GPRIN3: variants seen among roughly 807,000 people sequenced by gnomAD.
The protein encoded by GPRIN3 is GPRIN family member 3, also known as G protein-regulated inducer of neurite outgrowth 3.
A neutral mutation model predicts 13.7 loss-of-function variants in GPRIN3; 12 were observed. The ratio of observed to expected loss-of-function variants is 0.87; its 90% CI spans 0.56 to 1.42. The LOEUF (loss-of-function observed/expected upper bound fraction) is 1.42. Among genes scored for constraint, GPRIN3 ranks in the 40% most tolerant of loss-of-function variants. GPRIN3 has a pLI of 0.00. For missense variants in GPRIN3, 1,009 were observed against 958.7 expected (o/e 1.05, Z -0.69); for synonymous variants, 377 against 372.7 (o/e 1.01, Z -0.13).
chr4:89,241,463 G>A lies in GPRIN3; in HGVS notation c.*6317C>T, dbSNP rs1414373655. The A allele has an allele frequency of 2.0e-5, 3 of 152,106 alleles. No homozygotes were observed. Among genetic ancestry groups the A allele is most frequent in the Admixed American group, 6.5e-5 (1 of 15,282 alleles). The allele number at this position is 152,106 out of a possible 1,614,324, so 9.4% of individuals were successfully genotyped here. On this transcript the variant is annotated 3_prime_UTR_variant, in exon 2 of 2. Coordinates refer to ENST00000609438, the MANE Select transcript of GPRIN3 (RefSeq NM_198281.3). ...CACGACCAGCTACAGTATTATGCAC[G>A]ACATATTGTTCACACATTAGTACAG...
At chr4:89,268,992 G>C (rs796071692) in intron 1 of GPRIN3, among the ~76,000 whole-genome samples, 5 of 152,252 alleles carry the variant, frequency 3.3e-5, no homozygotes, top group African/African-American at 1.2e-4. Flanking sequence ...ACAGCTGGAA[G>C]AAGAAAAAGG....
In GPRIN3 at chr4:89,255,695, G is replaced by A. The variant is rs114346144; in HGVS notation, c.-123-5462C>T. ...GCATGGTTGACCAAAGCGATCAGATGTCAGGGATGGTGAATTCTCTCTAAG... is the reference window on the plus strand; with the variant it reads ...GCATGGTTGACCAAAGCGATCAGATATCAGGGATGGTGAATTCTCTCTAAG... On this transcript the variant is annotated intron_variant, in intron 1 of 1. Transcript: ENST00000609438. 6.8e-3 allele frequency among the ~76,000 whole-genome samples: 1,038 copies of A among 152,314 alleles called. 9 individuals carry two copies. Among genetic ancestry groups the A allele is most frequent in the African/African-American group, 0.024 (984 of 41,568 alleles).
At chr4:89,259,971 A>C (rs1372958055) in intron 1 of GPRIN3, among the ~76,000 whole-genome samples, 1 of 151,944 alleles carries the variant, frequency 6.6e-6, no homozygotes, top group African/African-American at 2.4e-5. Flanking sequence ...CACCTGGCTA[A>C]TTTTTTTGTA....
rs1410235198 is a variant in GPRIN3 at position 89,244,938 on chromosome 4, T to G, written c.*2842A>C. 3.3e-5 allele frequency: 5 copies of G among 152,210 alleles called. No homozygotes were observed. The highest frequency in any genetic ancestry group is 7.3e-5 in the Non-Finnish European group (5 of 68,028). 9.4% of individuals were successfully genotyped at this position (152,210 alleles called of 1,614,324 possible). A position where few individuals can be genotyped will look rare whatever the true frequency, so the allele number is the denominator to read the frequency against. On this transcript the variant is annotated 3_prime_UTR_variant, in exon 2 of 2. Transcript: ENST00000609438. ...AAACCAAACAACTTTCAACCCAATGTGTGTCATGCAGGTAAAGTAAGGAAA... is the reference window on the plus strand; with the variant it reads ...AAACCAAACAACTTTCAACCCAATGGGTGTCATGCAGGTAAAGTAAGGAAA...
intron 1 of GPRIN3, among the ~76,000 whole-genome samples, chr4:89,298,109 C>A (rs1168201156): frequency 6.6e-6 from 1 of 152,118 alleles, no homozygotes; most frequent in African/African-American, 2.4e-5. Context: ...AATGAAGTTA[C>A]ACTGAGGTTC....
chr4:89,259,257 C>CGGAG (rs1172267763), intron 1 of GPRIN3, among the ~76,000 whole-genome samples: 8 of 152,210 alleles, frequency 5.3e-5, no homozygotes, highest in Admixed American at 1.3e-4. Flanking sequence ...AACTTGAACT[C>CGGAG]TTCTCCAGAA....
intron 1 of GPRIN3, among the ~76,000 whole-genome samples, chr4:89,255,233 A>T (rs1723435153): frequency 6.6e-6 from 1 of 151,996 alleles, no homozygotes; most frequent in Non-Finnish European, 1.5e-5. Context: ...TGGGCAAGTA[A>T]CTCAACCTCT....
Position 89,248,209 on chromosome 4 carries a change from C to T in GPRIN3, c.1902G>A (p.Arg634=), listed in dbSNP as rs1407304019. 2 of 1,614,156 alleles carry T rather than the reference C, an allele frequency of 1.2e-6. No homozygotes were observed. The highest frequency in any genetic ancestry group is 1.7e-6 in the Non-Finnish European group (2 of 1,180,018). The change falls in exon 2 of 2, where the codon AGG becomes AGA. Residue 634 remains arginine (R), a synonymous_variant. Coordinates refer to ENST00000609438, the MANE Select transcript of GPRIN3 (RefSeq NM_198281.3). ...TGAGGAACTCGCTGACGCGGCTGGG[C>T]CTGCGTGGGCTGGCTTTGACGGAGC... The part of the protein sequence containing the change: ...PSRSVKASPR[R]PSRVSEFLKE...
intron 1 of GPRIN3, among the ~76,000 whole-genome samples, chr4:89,300,461 GTTTAAACACTGGCTTAATTAAAAAATAAA>G (rs1724865089): frequency 6.6e-6 from 1 of 152,232 alleles, no homozygotes; most frequent in African/African-American, 2.4e-5. Flanking sequence ...TAGATCTGAT[GTTTAAACACTGGCTTAATTAAAAAATAAA>G]TACCTGGAGG....
At chr4:89,261,353 G>T (rs930902867) in intron 1 of GPRIN3, among the ~76,000 whole-genome samples, 2 of 152,162 alleles carry the variant, frequency 1.3e-5, no homozygotes, top group African/African-American at 2.4e-5. Context: ...GGACGTAATT[G>T]TCCCTGATTG....
intron 1 of GPRIN3, among the ~76,000 whole-genome samples, chr4:89,257,733 T>G (rs1723507468): frequency 6.6e-6 from 1 of 152,130 alleles, no homozygotes; most frequent in Non-Finnish European, 1.5e-5. Context: ...CTCAATGACT[T>G]GGACAAGCAG....
Position 89,240,343 on chromosome 4 carries a change from A to T in GPRIN3, c.*7437T>A, listed in dbSNP as rs546989520. On this transcript the variant is annotated 3_prime_UTR_variant, in exon 2 of 2. Transcript: ENST00000609438. Reference sequence around the variant, plus strand: ...CATATCCTATTATCTCACCAACATCATCTGCAATTTTTTTTCATTTAAATC... The same window carrying T: ...CATATCCTATTATCTCACCAACATCTTCTGCAATTTTTTTTCATTTAAATC... 3 of 152,218 alleles carry T rather than the reference A, an allele frequency of 2.0e-5. No individual in the cohort carries two copies. The highest frequency in any genetic ancestry group is 7.2e-5 in the African/African-American group (3 of 41,538). The allele number at this position is 152,218 out of a possible 1,614,324, so 9.4% of individuals were successfully genotyped here.
chr4:89,307,587 G>A (rs1233967360), intron 1 of GPRIN3, 28 bp downstream of exon 1: 1 of 152,262 alleles, frequency 6.6e-6, no homozygotes, highest in African/African-American at 2.4e-5. Flanking sequence ...TGGCCGCCAG[G>A]CGGAGGTGCG....
chr4:89,292,166 T>C (rs549570165), intron 1 of GPRIN3, among the ~76,000 whole-genome samples: 235 of 152,338 alleles, frequency 1.5e-3, no homozygotes, highest in African/African-American at 5.4e-3. Context: ...ACATAATTAA[T>C]ACATCCAAAG....
chr4:89,297,479 T>C (rs1578116063), intron 1 of GPRIN3, among the ~76,000 whole-genome samples: 1 of 152,236 alleles, frequency 6.6e-6, no homozygotes, highest in Non-Finnish European at 1.5e-5. Flanking sequence ...TTCATTCTTT[T>C]CCACTCATCA....
chr4:89,238,371 C>T lies in GPRIN3; in HGVS notation c.*9409G>A, dbSNP rs1722839200. 1.3e-5 allele frequency: 2 copies of T among 152,334 alleles called. No homozygotes were observed. Among genetic ancestry groups the T allele is most frequent in the African/African-American group, 2.4e-5 (1 of 41,558 alleles). 9.4% of individuals were successfully genotyped at this position (152,334 alleles called of 1,614,324 possible). A position where few individuals can be genotyped will look rare whatever the true frequency, so the allele number is the denominator to read the frequency against. On this transcript the variant is annotated 3_prime_UTR_variant, in exon 2 of 2. Transcript: ENST00000609438. ...GGGATATGGCTGGGCTTTCCATCTC[C>T]TTCTAGGAATCCAGACTGCAGGATC...
rs185779226 is a variant in GPRIN3, at chr4:89,270,956, G to A, written c.-123-20723C>T. Among the ~76,000 whole-genome samples the A allele has an allele frequency of 2.0e-3, 302 of 152,222 alleles. 12 individuals carry two copies. In the South Asian group the frequency reaches 0.056, roughly 28 times the overall value. ...ACATTTCATAGGCTACAATGCTCAG[G>A]GATAGGTACCGTGGTCAGGCTGTGA... On this transcript the variant is annotated intron_variant, in intron 1 of 1. Coordinates refer to ENST00000609438, the MANE Select transcript of GPRIN3 (RefSeq NM_198281.3).
At chr4:89,264,343 G>A (rs920926997) in intron 1 of GPRIN3, among the ~76,000 whole-genome samples, 12 of 152,308 alleles carry the variant, frequency 7.9e-5, no homozygotes, top group African/African-American at 2.6e-4. Context: ...TCTACCATGA[G>A]TGGAAGCAGC....
Position 89,242,165 on chromosome 4 carries a change from G to T in GPRIN3, c.*5615C>A, listed in dbSNP as rs1008826180. The T allele has an allele frequency of 1.1e-4, 17 of 152,018 alleles. No homozygotes were observed. The highest frequency in any genetic ancestry group is 4.1e-4 in the African/African-American group (17 of 41,368). 9.4% of individuals were successfully genotyped at this position (152,018 alleles called of 1,614,324 possible). A position where few individuals can be genotyped will look rare whatever the true frequency, so the allele number is the denominator to read the frequency against. ...ATGTGATTTTTATTCCTACTATTTT[G>T]CAGCCAATTAATTTTGAGCTTGAAT... On this transcript the variant is annotated 3_prime_UTR_variant, in exon 2 of 2. Transcript: ENST00000609438.
Sources: gnomAD v4.1 joint callset for allele counts (sites outside exome capture counted in the v4.1 genomes callset) on GRCh38, gnomAD v4.1.1 for gene constraint, MANE v1.5 for transcripts, NCBI Gene and HGNC (gene_info 2026-07-23, HGNC 2026-07-21) for gene names.